PDE1C: variants seen among roughly 807,000 people sequenced by gnomAD.
The protein encoded by PDE1C is phosphodiesterase 1C, also known as dual specificity calcium/calmodulin-dependent 3',5'-cyclic nucleotide phosphodiesterase 1C.
PDE1C carries 62 observed loss-of-function variants against 93.1 expected under a neutral mutation model. The ratio of observed to expected loss-of-function variants is 0.67; its 90% confidence interval spans 0.54 to 0.82. The LOEUF (loss-of-function observed/expected upper bound fraction) is 0.82, where lower values mean the gene tolerates loss of function less well. Among genes scored for constraint, PDE1C ranks in the 40% least tolerant of loss-of-function variants. PDE1C has a pLI of 0.00. For missense variants in PDE1C, 742 were observed against 884.6 expected, an observed-to-expected ratio of 0.84 and a Z score of 2.04; for synonymous variants, 325 against 310.1, an observed-to-expected ratio of 1.05 and a Z score of -0.50.
chr7:31,893,466 G>A (rs1798894222), intron 2 of PDE1C: 1 of 983,876 alleles, frequency 1.0e-6, no homozygotes, highest in South Asian at 4.7e-5. Context: ...AGAAGAATTG[G>A]GAAGACTTAC....
At chr7:32,291,034 C>T (rs923218505) in intron 1 of PDE1C, among the ~76,000 whole-genome samples, 9 of 152,158 alleles carry the variant, frequency 5.9e-5, no homozygotes, top group South Asian at 2.1e-4. Context: ...AAAACATTTA[C>T]GTAGAACTTA....
Position 31,936,124 on chromosome 7 carries a change from GT to G in PDE1C, c.129-55265del, listed in dbSNP as rs34970382. Among the ~76,000 whole-genome samples the G allele has an allele frequency of 1.2e-4, 19 of 152,100 alleles. No individual in the cohort carries two copies. The South Asian group carries it at 2.9e-3, about 23-fold the overall frequency. ...TTGGGACATGGGATCTGACAAATAA[GT>G]TTTTTTCCAATCAAAAAGTATATTT... On this transcript the variant is annotated intron_variant, in intron 2 of 17. Transcript: ENST00000396191.
At chr7:31,797,994 C>T (rs531110722) in intron 16 of PDE1C, among the ~76,000 whole-genome samples, 2 of 151,726 alleles carry the variant, frequency 1.3e-5, no homozygotes, top group South Asian at 2.1e-4. Context: ...TTGGCAGCTC[C>T]GTCCCAATGA....
rs181915370 is a variant in PDE1C, at chr7:32,415,643, C to G, written c.310+12179G>C. 5.7e-4 allele frequency among the ~76,000 whole-genome samples: 87 copies of G among 152,112 alleles called. 2 individuals carry two copies. The East Asian group carries it at 0.016, about 27-fold the overall frequency. ...GGCTTCTCTTACCCTCCTCCCTTTC[C>G]CTACATTAGGGAGCCTGAATCCGAG... is the stretch of plus-strand genomic sequence containing the variant. On this transcript the variant is annotated intron_variant, in intron 1 of 1. Transcript: ENST00000672256.
intron 1 of PDE1C, among the ~76,000 whole-genome samples, chr7:32,282,333 G>A (rs139712335): frequency 0.012 from 1,821 of 151,596 alleles, 12 homozygotes; most frequent in Non-Finnish European, 0.02. Context: ...AAAATTAGCC[G>A]GGCGTGGTGG....
chr7:31,962,361 C>G (rs1409649081), intron 2 of PDE1C, among the ~76,000 whole-genome samples: 1 of 152,220 alleles, frequency 6.6e-6, no homozygotes, highest in Non-Finnish European at 1.5e-5. Flanking sequence ...GTGCTACTTG[C>G]AACAGTTAAA....
the PDE1C span, among the ~76,000 whole-genome samples, chr7:31,667,469 A>G: frequency 1.3e-5 from 2 of 152,174 alleles, no homozygotes; most frequent in African/African-American, 4.8e-5. Context: ...AAATACAGTG[A>G]AACCATATTT....
rs190103787 is a variant in PDE1C at position 32,068,447 on chromosome 7, T to C, written c.101+1846A>G. 5.5e-4 allele frequency among the ~76,000 whole-genome samples: 84 copies of C among 152,308 alleles called. 1 individual carries two copies. In the East Asian group the frequency reaches 0.014, roughly 26 times the overall value. The stretch of plus-strand genomic sequence containing the variant: ...TAAGGATCACATACTGGTAAAAATA[T>C]GTATAATAATAACAAATAATAGCAT... On this transcript the variant is annotated intron_variant, in intron 1 of 17. Coordinates refer to ENST00000396191, the MANE Select transcript of PDE1C (RefSeq NM_001191057.4).
intron 1 of PDE1C, among the ~76,000 whole-genome samples, chr7:32,231,808 GAAT>G (rs1171009656): frequency 2.0e-5 from 3 of 152,130 alleles, no homozygotes; most frequent in Non-Finnish European, 4.4e-5. Context: ...AGAAGTGTAA[GAAT>G]AATATTAGAG....
At position 32,114,242 on chromosome 7, in the gene PDE1C, C is replaced by T. The variant is rs113820404; in HGVS notation, c.308+55543G>A. 8.9e-4 allele frequency among the ~76,000 whole-genome samples: 136 copies of T among 152,194 alleles called. 1 individual carries two copies. The highest frequency in any genetic ancestry group is 2.9e-3 in the African/African-American group (122 of 41,526). ...AACTATACTACAAGGCTATAGTAAC[C>T]AAAACAATATGGTACTGCTACAAAA... is the stretch of plus-strand genomic sequence containing the variant. On this transcript the variant is annotated intron_variant, in intron 3 of 18. Coordinates refer to the PDE1C transcript ENST00000396193.
intron 1 of PDE1C, among the ~76,000 whole-genome samples, chr7:32,421,319 A>T (rs1785429020): frequency 6.6e-6 from 1 of 151,792 alleles, no homozygotes; most frequent in African/African-American, 2.4e-5. Context: ...TGCCTTCCTC[A>T]CTCCAGTTAT....
intron 3 of PDE1C, among the ~76,000 whole-genome samples, chr7:32,095,868 A>G (rs140326599): frequency 6.6e-5 from 10 of 152,284 alleles, no homozygotes; most frequent in African/African-American, 2.2e-4. Context: ...TTACAGAATG[A>G]TGTGAGGTCC....
intron 2 of PDE1C, among the ~76,000 whole-genome samples, chr7:31,978,643 C>T (rs1324089605): frequency 1.3e-5 from 2 of 152,154 alleles, no homozygotes; most frequent in Admixed American, 6.5e-5. Flanking sequence ...TTCACAGCAA[C>T]CTGTAGATGC....
intron 2 of PDE1C, among the ~76,000 whole-genome samples, chr7:31,999,560 T>C (rs925417380): frequency 2.0e-5 from 3 of 152,154 alleles, no homozygotes; most frequent in Non-Finnish European, 2.9e-5. Flanking sequence ...AGCTTCAAGA[T>C]AAGCCTCATA....
intron 1 of PDE1C, among the ~76,000 whole-genome samples, chr7:32,295,871 G>GT (rs1369773174): frequency 6.9e-6 from 1 of 144,822 alleles, no homozygotes; most frequent in East Asian, 2.0e-4. Flanking sequence ...TCCAGCCCGG[G>GT]TGAGAGAGCG....
chr7:32,264,629 T>C lies in PDE1C; in HGVS notation c.85+34022A>G, dbSNP rs114441224. On this transcript the variant is annotated intron_variant, in intron 1 of 18. Transcript: ENST00000396193. Reference sequence around the variant, plus strand: ...TACTCTGTGCCATCCAGAACTTCGGTTGAATGCAGCCCATGTGGAATGCTC... The same window carrying C: ...TACTCTGTGCCATCCAGAACTTCGGCTGAATGCAGCCCATGTGGAATGCTC... 5.5e-3 allele frequency among the ~76,000 whole-genome samples: 842 copies of C among 152,334 alleles called. 8 individuals carry two copies. The highest frequency in any genetic ancestry group is 0.019 in the African/African-American group (801 of 41,570).
intron 1 of PDE1C, among the ~76,000 whole-genome samples, chr7:32,304,677 G>C (rs1438396257): frequency 6.6e-6 from 1 of 152,042 alleles, no homozygotes; most frequent in African/African-American, 2.4e-5. Flanking sequence ...CTTGCTAGCT[G>C]TGTGATCTTA....
At chr7:31,883,821 C>G (rs1408794674) in intron 2 of PDE1C, among the ~76,000 whole-genome samples, 1 of 152,200 alleles carries the variant, frequency 6.6e-6, no homozygotes, top group Non-Finnish European at 1.5e-5. Flanking sequence ...GAGACCCAGG[C>G]TTTGTGCCAC....
chr7:31,835,526 GT>G lies in PDE1C; in HGVS notation c.1203+1653del, dbSNP rs566222901. Among the ~76,000 whole-genome samples, 52 of 1,918 alleles carry G rather than the reference GT, an allele frequency of 0.027. No individual in the cohort carries two copies. The East Asian group carries it at 0.33, about 12-fold the overall frequency. 1.3% of individuals were successfully genotyped at this position (1,918 alleles called of 152,430 possible). On this transcript the variant is annotated intron_variant, in intron 11 of 17. Transcript: ENST00000396191. Reference sequence around the variant, plus strand: ...CATATAATAGCTGGGGGGTGCTGCGGTGTGTGTGTGTGTGTGTGTGTGTGTG... The same window carrying G: ...CATATAATAGCTGGGGGGTGCTGCGGGTGTGTGTGTGTGTGTGTGTGTGTG...
Sources: allele counts gnomAD v4.1 joint callset (sites outside exome capture counted in the v4.1 genomes callset), GRCh38; gene constraint gnomAD v4.1.1; transcripts MANE v1.5; gene names NCBI Gene and HGNC (gene_info 2026-07-23, HGNC 2026-07-21).